Variants in CLSTN2 observed in about 807,000 individuals in gnomAD.
CLSTN2 encodes the protein calsyntenin 2.
In CLSTN2, 48 loss-of-function variants were observed where a neutral mutation model predicts 101.2. The ratio of observed to expected loss-of-function variants is 0.47; its 90% CI spans 0.38 to 0.60. The LOEUF (loss-of-function observed/expected upper bound fraction) is 0.60, where lower values mean the gene tolerates loss of function less well. CLSTN2 is among the 20% of genes least tolerant of loss of function. The pLI is 0.00. For synonymous variants in CLSTN2, 481 were observed against 463.6 expected, an observed-to-expected ratio of 1.04 and a Z score of -0.48; for missense variants, 1,160 against 1,238.2, an observed-to-expected ratio of 0.94 and a Z score of 0.95.
At chr3:140,515,590 T>A (rs866642582) in intron 8 of CLSTN2, among the ~76,000 whole-genome samples, 5 of 152,042 alleles carry the variant, frequency 3.3e-5, no homozygotes, top group Non-Finnish European at 7.4e-5. Context: ...CAATTCAAAA[T>A]TTTTTTTAAT....
chr3:140,318,426 G>A (rs1006236897), intron 2 of CLSTN2, among the ~76,000 whole-genome samples: 8 of 152,174 alleles, frequency 5.3e-5, no homozygotes, highest in Non-Finnish European at 1.0e-4. Flanking sequence ...GACAAAGGGC[G>A]ATGTCAGGAT....
At chr3:140,397,879 G>C (rs146583087) in intron 2 of CLSTN2, among the ~76,000 whole-genome samples, 26 of 146,294 alleles carry the variant, frequency 1.8e-4, no homozygotes, top group African/African-American at 5.9e-4. Flanking sequence ...GAGAGATACT[G>C]GTTCATTGTT....
At chr3:140,562,376 TGAG>T (rs1935934725) in intron 13 of CLSTN2, 68 bp downstream of exon 13, 14 of 1,432,506 alleles carry the variant, frequency 9.8e-6, no homozygotes, top group South Asian at 7.8e-5. Flanking sequence ...CAGGGAGACA[TGAG>T]TGAGATTGCA....
chr3:140,247,336 C>T (rs958026369), intron 2 of CLSTN2, among the ~76,000 whole-genome samples: 1 of 152,264 alleles, frequency 6.6e-6, no homozygotes. Flanking sequence ...TTCTGAAAAT[C>T]CTGCATCATG....
intron 2 of CLSTN2, among the ~76,000 whole-genome samples, chr3:140,212,898 G>C (rs148684340): frequency 1.3e-5 from 2 of 152,272 alleles, no homozygotes; most frequent in East Asian, 3.9e-4. Flanking sequence ...ATTCCCTGTT[G>C]TGATTGCTGG....
At chr3:140,529,039 C>A (rs1053921083) in intron 8 of CLSTN2, among the ~76,000 whole-genome samples, 2 of 152,166 alleles carry the variant, frequency 1.3e-5, no homozygotes, top group African/African-American at 4.8e-5. Flanking sequence ...CTGAGGAAAC[C>A]AAGGCAGAAC....
intron 1 of CLSTN2, among the ~76,000 whole-genome samples, chr3:139,960,809 G>A (rs145152541): frequency 6.6e-6 from 1 of 152,280 alleles, no homozygotes; most frequent in Non-Finnish European, 1.5e-5. Context: ...AAGGGGGCAG[G>A]ATCTCCTCAG....
rs573827056 is a variant in CLSTN2, at chr3:140,238,591, A to G, written c.232+62518A>G. On this transcript the variant is annotated intron_variant, in intron 2 of 16. Transcript: ENST00000458420. ...AAGTAGAACTTTCTTTTTATGTTTC[A>G]TGACATTAGAATAAAAAAAGAAGAA... Among the ~76,000 whole-genome samples the G allele has an allele frequency of 2.0e-5, 3 of 152,288 alleles. No homozygotes were observed. In the South Asian group the frequency reaches 6.2e-4, roughly 32 times the overall value.
intron 1 of CLSTN2, among the ~76,000 whole-genome samples, chr3:140,059,311 G>C (rs1296703930): frequency 1.3e-5 from 2 of 152,232 alleles, no homozygotes; most frequent in East Asian, 3.9e-4. Context: ...AGAGGGGCAG[G>C]GCTTTGTGTT....
chr3:139,966,554 C>G (rs962770998), intron 1 of CLSTN2, among the ~76,000 whole-genome samples: 1 of 152,194 alleles, frequency 6.6e-6, no homozygotes, highest in Non-Finnish European at 1.5e-5. Context: ...GCTCAGGCCT[C>G]ACCCCTTTTA....
At chr3:140,362,935 C>T (rs115666382) in intron 2 of CLSTN2, among the ~76,000 whole-genome samples, 2,252 of 152,022 alleles carry the variant, frequency 0.015, 30 homozygotes, top group Middle Eastern at 0.058. Flanking sequence ...TTTCCTAAAA[C>T]GTTAAATATA....
intron 2 of CLSTN2, among the ~76,000 whole-genome samples, chr3:140,236,961 T>C (rs1215725120): frequency 3.3e-5 from 5 of 152,012 alleles, no homozygotes; most frequent in African/African-American, 1.2e-4. Context: ...TTTTTATCTA[T>C]TAATTACATT....
At chr3:140,037,339 C>T (rs1024263912) in intron 1 of CLSTN2, among the ~76,000 whole-genome samples, 5 of 152,050 alleles carry the variant, frequency 3.3e-5, no homozygotes, top group Non-Finnish European at 1.5e-5. Flanking sequence ...AGATAAGGAC[C>T]TCTTTTTTCC....
At chr3:140,431,006 T>C (rs57125428) in intron 5 of CLSTN2, among the ~76,000 whole-genome samples, 4,348 of 152,244 alleles carry the variant, frequency 0.029, 201 homozygotes, top group African/African-American at 0.098. Flanking sequence ...TATAAAAGGG[T>C]ATATCAGAAA....
intron 1 of CLSTN2, among the ~76,000 whole-genome samples, chr3:140,088,248 A>G (rs1344327163): frequency 6.6e-6 from 1 of 152,332 alleles, no homozygotes; most frequent in Non-Finnish European, 1.5e-5. Context: ...AACATTTTCT[A>G]TTAACAGTAG....
At chr3:140,482,212 G>A (rs771050727) in intron 8 of CLSTN2, among the ~76,000 whole-genome samples, 73 of 152,124 alleles carry the variant, frequency 4.8e-4, no homozygotes, top group Non-Finnish European at 7.1e-4. Flanking sequence ...ATAATCATGT[G>A]GTTTTTGTTG....
intron 2 of CLSTN2, among the ~76,000 whole-genome samples, chr3:140,320,308 C>T (rs1216798330): frequency 6.6e-6 from 1 of 152,092 alleles, no homozygotes; most frequent in Non-Finnish European, 1.5e-5. Flanking sequence ...GAGATTGGGG[C>T]ACTGGGTCAA....
At chr3:139,945,775 A>G (rs959390540) in intron 1 of CLSTN2, among the ~76,000 whole-genome samples, 1 of 152,256 alleles carries the variant, frequency 6.6e-6, no homozygotes, top group Non-Finnish European at 1.5e-5. Flanking sequence ...AATTAATGAA[A>G]TATAACCATT....
chr3:140,052,346 C>A (rs987897821), intron 1 of CLSTN2, among the ~76,000 whole-genome samples: 1 of 152,126 alleles, frequency 6.6e-6, no homozygotes, highest in Non-Finnish European at 1.5e-5. Context: ...TTTAGTAAGA[C>A]AGGGTTTTAC....
Sources: allele counts gnomAD v4.1 joint callset (sites outside exome capture counted in the v4.1 genomes callset), GRCh38; gene constraint gnomAD v4.1.1; transcripts MANE v1.5; gene names NCBI Gene and HGNC (gene_info 2026-07-23, HGNC 2026-07-21).